PPP1R12A: variants seen among roughly 807,000 people sequenced by gnomAD.
The protein encoded by PPP1R12A is protein phosphatase 1 regulatory subunit 12A, also known as myosin binding subunit.
Under a neutral mutation model 139.6 loss-of-function variants are expected in PPP1R12A, and 19 were observed. The ratio of observed to expected loss-of-function variants is 0.14; its 90% CI spans 0.09 to 0.20. PPP1R12A has a LOEUF of 0.20. PPP1R12A is among the 10% of genes least tolerant of loss of function. The pLI is 1.00. For missense variants in PPP1R12A, 925 were observed against 1,211.5 expected (o/e 0.76, Z 3.51); for synonymous variants, 427 against 420.6 (o/e 1.02, Z -0.19).
At chr12:79,923,003 G>A (rs961972551) in intron 1 of PPP1R12A, among the ~76,000 whole-genome samples, 6 of 152,132 alleles carry the variant, frequency 3.9e-5, no homozygotes, top group South Asian at 2.1e-4. Flanking sequence ...GGCCAGGTGC[G>A]ATGGCTCACA....
At chr12:79,801,302 G>A (rs1019015600) in intron 14 of PPP1R12A, among the ~76,000 whole-genome samples, 16 of 120,848 alleles carry the variant, frequency 1.3e-4, no homozygotes, top group East Asian at 5.2e-4. Context: ...CTGAGATTGC[G>A]CCATTGCACT....
intron 1 of PPP1R12A, among the ~76,000 whole-genome samples, chr12:79,906,129 A>G (rs1162911303): frequency 6.6e-6 from 1 of 152,220 alleles, no homozygotes; most frequent in Non-Finnish European, 1.5e-5. Context: ...ATTTGAATGA[A>G]TAAGCAAATG....
intron 1 of PPP1R12A, among the ~76,000 whole-genome samples, chr12:79,911,670 A>C (rs1362166618): frequency 2.6e-5 from 4 of 152,102 alleles, no homozygotes; most frequent in African/African-American, 9.7e-5. Flanking sequence ...GCATCTCCCA[A>C]ACATATCATA....
Position 79,822,164 on chromosome 12 carries a change from A to C in PPP1R12A, c.819T>G (p.Asp273Glu). Residue 273 changes from aspartate (D) to glutamate (E), a missense_variant, in exon 6 of 25, where the codon GAT becomes GAG. Physicochemically the swap from Asp to Glu is conservative, Grantham distance 45. Transcript: ENST00000450142. ...CTTCTAAATATCCTAAAATGTCTTC[A>C]TCTGCTACATCAAAGGCTGTTTGGC... is the stretch of plus-strand genomic sequence containing the variant. The part of the protein sequence containing the change: ...KVGQTAFDVA[D>E]EDILGYLEEL... 6.3e-7 allele frequency: 1 copy of C among 1,591,130 alleles called. No homozygotes were observed. Among genetic ancestry groups the C allele is most frequent in the Non-Finnish European group, 8.6e-7 (1 of 1,166,636 alleles).
chr12:79,856,869 A>C (rs1385752835), intron 2 of PPP1R12A, among the ~76,000 whole-genome samples: 1 of 152,264 alleles, frequency 6.6e-6, no homozygotes, highest in Non-Finnish European at 1.5e-5. Flanking sequence ...TGAGCTTAGC[A>C]GAAGTGGCCT....
At position 79,805,682 on chromosome 12, in the gene PPP1R12A, G is replaced by A; in HGVS notation, c.1910C>T (p.Thr637Ile). 6.2e-7 allele frequency: 1 copy of A among 1,613,676 alleles called. No individual in the cohort carries two copies. The highest frequency in any genetic ancestry group is 8.5e-7 in the Non-Finnish European group (1 of 1,179,704). The change falls in exon 14 of 25, where the codon ACT becomes ATT. Residue 637 changes from threonine (T) to isoleucine (I), a missense_variant. Around this residue, in one of 4 missense-constraint regions of PPP1R12A, gnomAD observed 403 missense variants for 463.7 expected, o/e 0.87. Transcript: ENST00000450142. ...GGTAGAAGCTGCAGCATTTACAACAGTTGGAGCAACAGGAATGGTCACTGC... is the reference window on the plus strand; with the variant it reads ...GGTAGAAGCTGCAGCATTTACAACAATTGGAGCAACAGGAATGGTCACTGC... ...PTAVTIPVAP[T>I]VVNAAASTTT... is the part of the protein sequence containing the mutation.
intron 5 of PPP1R12A, among the ~76,000 whole-genome samples, chr12:79,827,650 G>A (rs970248412): frequency 2.0e-5 from 3 of 152,066 alleles, no homozygotes; most frequent in Admixed American, 6.6e-5. Context: ...CAAGAAACTT[G>A]ATAACCTGAA....
At chr12:79,897,208 T>C (rs980043039) in intron 1 of PPP1R12A, among the ~76,000 whole-genome samples, 1 of 152,072 alleles carries the variant, frequency 6.6e-6, no homozygotes, top group Non-Finnish European at 1.5e-5. Context: ...TAGAGAGCCA[T>C]AAAAAAATAA....
intron 1 of PPP1R12A, among the ~76,000 whole-genome samples, chr12:79,923,618 TA>T (rs1168147477): frequency 2.6e-5 from 4 of 152,232 alleles, no homozygotes; most frequent in Admixed American, 1.3e-4. Context: ...AAATTTTGGA[TA>T]ACATTTTATT....
chr12:79,864,046 GCAC>G (rs1881681824), intron 2 of PPP1R12A, among the ~76,000 whole-genome samples: 1 of 152,210 alleles, frequency 6.6e-6, no homozygotes, highest in Non-Finnish European at 1.5e-5. Context: ...ATTCTTCTCA[GCAC>G]CACATGGCCC....
chr12:79,899,887 GT>G (rs2137465765), intron 1 of PPP1R12A, among the ~76,000 whole-genome samples: 1 of 152,100 alleles, frequency 6.6e-6, no homozygotes, highest in East Asian at 1.9e-4. Flanking sequence ...CATATCAAAG[GT>G]TTTTTCATTT....
At chr12:79,922,465 G>A (rs988927145) in intron 1 of PPP1R12A, among the ~76,000 whole-genome samples, 4 of 151,990 alleles carry the variant, frequency 2.6e-5, no homozygotes. Flanking sequence ...ATGATGAACT[G>A]GATAAAGAAA....
At chr12:79,857,566 TATAATAATAATAAAAA>T (rs1880823799) in intron 2 of PPP1R12A, among the ~76,000 whole-genome samples, 1 of 151,608 alleles carries the variant, frequency 6.6e-6, no homozygotes, top group African/African-American at 2.4e-5. Context: ...GAACTTAAAG[TATAATAATAATAAAAA>T]ATAATAATAA....
At chr12:79,800,693 C>G (rs1873010727) in intron 14 of PPP1R12A, among the ~76,000 whole-genome samples, 1 of 151,758 alleles carries the variant, frequency 6.6e-6, no homozygotes, top group Non-Finnish European at 1.5e-5. Flanking sequence ...TCTCAAAACC[C>G]CAGGCAATGA....
chr12:79,875,313 G>T (rs1400535142), intron 1 of PPP1R12A, among the ~76,000 whole-genome samples: 3 of 152,158 alleles, frequency 2.0e-5, no homozygotes, highest in African/African-American at 7.2e-5. Context: ...CCCTGCCCAA[G>T]AATGTAAAGT....
chr12:79,921,427 T>C (rs1423132878), intron 1 of PPP1R12A, among the ~76,000 whole-genome samples: 2 of 152,182 alleles, frequency 1.3e-5, no homozygotes, highest in Non-Finnish European at 2.9e-5. Context: ...AACAGGTACA[T>C]TCAGAAGACA....
At chr12:79,851,855 T>C (rs963574925) in intron 2 of PPP1R12A, among the ~76,000 whole-genome samples, 5 of 152,186 alleles carry the variant, frequency 3.3e-5, no homozygotes, top group Non-Finnish European at 7.3e-5. Flanking sequence ...CAATTTGTAT[T>C]GTTCTATCAG....
At chr12:79,857,905 C>T (rs1880872368) in intron 2 of PPP1R12A, among the ~76,000 whole-genome samples, 1 of 152,108 alleles carries the variant, frequency 6.6e-6, no homozygotes, top group Admixed American at 6.6e-5. Context: ...TAACAGTGAA[C>T]ATTCCCATAA....
At chr12:79,919,964 C>T (rs1038331312) in intron 1 of PPP1R12A, among the ~76,000 whole-genome samples, 7 of 152,176 alleles carry the variant, frequency 4.6e-5, no homozygotes, top group African/African-American at 1.4e-4. Context: ...GTGCAACTGT[C>T]AGCACAATTT....
Sources: allele counts gnomAD v4.1 joint callset (sites outside exome capture counted in the v4.1 genomes callset), GRCh38; gene constraint gnomAD v4.1.1; regional missense constraint gnomAD v4.1.1; transcripts MANE v1.5; gene names NCBI Gene and HGNC (gene_info 2026-07-23, HGNC 2026-07-21).